Variants in THSD4 observed in about 807,000 individuals in gnomAD.
THSD4 encodes the protein thrombospondin type-1 domain-containing protein 4.
A neutral mutation model predicts 119.0 loss-of-function variants in THSD4; 69 were observed. That is an observed-to-expected ratio of 0.58 (90% CI 0.48 to 0.71). The LOEUF is 0.71. Ranked by LOEUF, THSD4 falls within the 30% of genes least tolerant of loss-of-function variation. The pLI is 0.00. For synonymous variants in THSD4, 524 were observed against 540.4 expected, an observed-to-expected ratio of 0.97 and a Z score of 0.42; for missense variants, 1,393 against 1,391.1, an observed-to-expected ratio of 1.00 and a Z score of -0.02.
intron 1 of THSD4, among the ~76,000 whole-genome samples, chr15:71,125,288 G>A (rs891341656): frequency 6.6e-6 from 1 of 152,186 alleles, no homozygotes. Context: ...GATTCTAGCT[G>A]GAATTTTTTT....
chr15:71,203,196 G>C (rs1355320972), intron 3 of THSD4, among the ~76,000 whole-genome samples: 1 of 152,134 alleles, frequency 6.6e-6, no homozygotes, highest in Non-Finnish European at 1.5e-5. Flanking sequence ...GTGAGCATAG[G>C]GGGACAGAGA....
At chr15:71,764,732 A>G (rs577131325) in intron 15 of THSD4, among the ~76,000 whole-genome samples, 1 of 152,230 alleles carries the variant, frequency 6.6e-6, no homozygotes, top group African/African-American at 2.4e-5. Flanking sequence ...AGGAGAGTTT[A>G]TGGTAAACTG....
At chr15:71,203,895 T>G (rs1241672495) in intron 3 of THSD4, among the ~76,000 whole-genome samples, 2 of 151,830 alleles carry the variant, frequency 1.3e-5, no homozygotes, top group African/African-American at 4.8e-5. Context: ...TTCTGGGGAG[T>G]GCTGAATATT....
chr15:71,133,663 T>G (rs1305534719), intron 1 of THSD4, among the ~76,000 whole-genome samples: 3 of 152,144 alleles, frequency 2.0e-5, no homozygotes, highest in Admixed American at 6.5e-5. Context: ...CTCCAAAGGT[T>G]TTTCCCCACT....
At chr15:71,565,029 G>A (rs8040598) in intron 7 of THSD4, among the ~76,000 whole-genome samples, 129,661 of 152,050 alleles carry the variant, frequency 0.85, 55,888 homozygotes, top group Non-Finnish European at 0.91. Flanking sequence ...AACTTACAAA[G>A]AGAACAAAAA....
At chr15:71,533,355 G>T (rs2048644208) in intron 7 of THSD4, among the ~76,000 whole-genome samples, 1 of 152,104 alleles carries the variant, frequency 6.6e-6, no homozygotes, top group African/African-American at 2.4e-5. Context: ...TAATGAAAAT[G>T]GTTTCATCCT....
intron 7 of THSD4, among the ~76,000 whole-genome samples, chr15:71,445,332 C>A (rs2047166650): frequency 6.6e-6 from 1 of 152,170 alleles, no homozygotes; most frequent in Admixed American, 6.5e-5. Flanking sequence ...TAGGAACAAA[C>A]CTTGTCTTAC....
intron 3 of THSD4, among the ~76,000 whole-genome samples, chr15:71,207,993 T>G (rs1012993790): frequency 6.6e-6 from 1 of 152,208 alleles, no homozygotes; most frequent in Non-Finnish European, 1.5e-5. Context: ...GTGAGGCACA[T>G]CAGAGAGCAA....
At chr15:71,755,812 C>T (rs2053529263) in intron 14 of THSD4, among the ~76,000 whole-genome samples, 1 of 146,616 alleles carries the variant, frequency 6.8e-6, no homozygotes, top group Admixed American at 6.9e-5. Flanking sequence ...CTTGAAAGAA[C>T]ATCTTAAATT....
chr15:71,126,697 A>G (rs1224855968), intron 1 of THSD4, among the ~76,000 whole-genome samples: 1 of 152,262 alleles, frequency 6.6e-6, no homozygotes, highest in Non-Finnish European at 1.5e-5. Flanking sequence ...TCAAGGAGCA[A>G]TTATGACCAT....
intron 8 of THSD4, among the ~76,000 whole-genome samples, chr15:71,700,383 T>A (rs2052260745): frequency 6.6e-6 from 1 of 151,998 alleles, no homozygotes; most frequent in African/African-American, 2.4e-5. Context: ...ACAATAAATG[T>A]ACAAGAACCA....
At chr15:71,206,407 T>C (rs2043844331) in intron 3 of THSD4, among the ~76,000 whole-genome samples, 1 of 152,214 alleles carries the variant, frequency 6.6e-6, no homozygotes. Flanking sequence ...ATGTTCCTGC[T>C]TTCATTTGCT....
intron 4 of THSD4, among the ~76,000 whole-genome samples, chr15:71,238,074 G>T (rs996218684): frequency 6.6e-6 from 1 of 151,952 alleles, no homozygotes; most frequent in Non-Finnish European, 1.5e-5. Context: ...GGCGGGGTGG[G>T]GGTGTTCCAT....
At chr15:71,706,769 A>G (rs537232590) in intron 8 of THSD4, among the ~76,000 whole-genome samples, 16 of 152,354 alleles carry the variant, frequency 1.1e-4, no homozygotes, top group African/African-American at 3.8e-4. Flanking sequence ...TCTAGCAGCT[A>G]CAACATCTCG....
intron 6 of THSD4, among the ~76,000 whole-genome samples, chr15:71,375,301 C>T (rs1436602259): frequency 6.6e-6 from 1 of 152,198 alleles, no homozygotes; most frequent in Non-Finnish European, 1.5e-5. Flanking sequence ...TTTTCTCCCT[C>T]TTCCTGACAA....
chr15:71,569,678 T>G (rs1235753782), intron 7 of THSD4, among the ~76,000 whole-genome samples: 1 of 152,104 alleles, frequency 6.6e-6, no homozygotes, highest in Non-Finnish European at 1.5e-5. Flanking sequence ...AAGAAACAAT[T>G]GAATGTGTAA....
intron 16 of THSD4, 77 bp downstream of exon 16, chr15:71,765,276 C>A: frequency 6.7e-6 from 10 of 1,490,160 alleles, no homozygotes; most frequent in Non-Finnish European, 8.1e-6. Flanking sequence ...CCCTCTGGGC[C>A]AGGCACTGGG....
At chr15:71,442,656 G>GTGTGTATGTATGTA (rs2047120331) in intron 7 of THSD4, among the ~76,000 whole-genome samples, 1 of 30,644 alleles carries the variant, frequency 3.3e-5, no homozygotes, top group Non-Finnish European at 7.8e-5. Flanking sequence ...GTGTGTGTGT[G>GTGTGTATGTATGTA]TGTGTATATA....
At chr15:71,154,323 C>A (rs2141383000) in intron 2 of THSD4, among the ~76,000 whole-genome samples, 1 of 152,316 alleles carries the variant, frequency 6.6e-6, no homozygotes, top group Middle Eastern at 3.4e-3. Context: ...CAGCTAATCC[C>A]ACCCATGGAG....
Sources: gnomAD v4.1 joint callset for allele counts (sites outside exome capture counted in the v4.1 genomes callset) on GRCh38, gnomAD v4.1.1 for gene constraint, MANE v1.5 for transcripts, NCBI Gene and HGNC (gene_info 2026-07-23, HGNC 2026-07-21) for gene names.